Variants in MED15 observed in about 807,000 individuals in gnomAD.
MED15 encodes mediator of RNA polymerase II transcription subunit 15.
Under a neutral mutation model 118.7 loss-of-function variants are expected in MED15, and 41 were observed. The observed-to-expected ratio is 0.35, with a 90% CI of 0.27 to 0.45. The LOEUF (loss-of-function observed/expected upper bound fraction) is 0.45, where lower values mean the gene tolerates loss of function less well. Among genes scored for constraint, MED15 ranks in the 20% least tolerant of loss-of-function variants. The pLI, the probability that MED15 is intolerant of heterozygous loss-of-function variation, is 1.00. For missense variants in MED15, 740 were observed against 1,025.5 expected (o/e 0.72, Z 3.80); for synonymous variants, 436 against 413.9 (o/e 1.05, Z -0.65).
rs1475697861 is a variant in MED15 at position 20,528,714 on chromosome 22, C to T, written c.69-8403C>T. Among the ~76,000 whole-genome samples, 3 of 152,164 alleles carry T rather than the reference C, an allele frequency of 2.0e-5. No homozygotes were observed. In the East Asian group the frequency reaches 5.8e-4, roughly 29 times the overall value. The stretch of plus-strand genomic sequence containing the variant: ...CACTGCGATGGAGGAGGCTGATGGG[C>T]CAGTGGGTCTCGGCAGTTAGCGTGC... On this transcript the variant is annotated intron_variant, in intron 1 of 17. Coordinates refer to ENST00000263205, the MANE Select transcript of MED15 (RefSeq NM_001003891.3).
At chr22:20,585,363 A>G (rs2057104141) in intron 16 of MED15, 96 bp downstream of exon 16, 3 of 1,492,476 alleles carry the variant, frequency 2.0e-6, no homozygotes, top group African/African-American at 2.8e-5. Flanking sequence ...AGCGCCCAGA[A>G]CCCACCCTGT....
At chr22:20,575,971 G>A (rs1031498224) in intron 9 of MED15, among the ~76,000 whole-genome samples, 4 of 152,136 alleles carry the variant, frequency 2.6e-5, no homozygotes, top group African/African-American at 7.2e-5. Context: ...TGTAGAGTGT[G>A]TAATTTGTAA....
At chr22:20,527,978 C>T (rs2054717079) in intron 1 of MED15, among the ~76,000 whole-genome samples, 1 of 143,986 alleles carries the variant, frequency 6.9e-6, no homozygotes, top group African/African-American at 2.6e-5. Context: ...AAAAAAAAAT[C>T]AAACTCCTGA....
At chr22:20,586,453 C>G in intron 17 of MED15, 115 bp from the exon 18 acceptor site, 1 of 1,483,670 alleles carries the variant, frequency 6.7e-7, no homozygotes, top group Middle Eastern at 1.8e-4. Context: ...GGACACATCA[C>G]CTCCTGGTGC....
chr22:20,527,605 C>T (rs528543589), intron 1 of MED15, among the ~76,000 whole-genome samples: 2 of 151,918 alleles, frequency 1.3e-5, no homozygotes, highest in Non-Finnish European at 2.9e-5. Flanking sequence ...CCACTCCTGG[C>T]AAATATTTTT....
chr22:20,550,968 GCGT>G, intron 2 of MED15: 1 of 360,892 alleles, frequency 2.8e-6, no homozygotes, highest in Non-Finnish European at 5.5e-6. Flanking sequence ...AGCAGATACT[GCGT>G]CATCAGTGAA....
chr22:20,584,014 A>G (rs1601650043), intron 13 of MED15: 2 of 341,138 alleles, frequency 5.9e-6, no homozygotes, highest in East Asian at 6.5e-5. Context: ...GCCAGTCACT[A>G]TTGGGTGGTC....
At chr22:20,551,337 G>A (rs750210013) in intron 2 of MED15, 99 bp from the exon 3 acceptor site, 3 of 1,093,358 alleles carry the variant, frequency 2.7e-6, no homozygotes, top group South Asian at 1.2e-5. Context: ...TGCAGGATGG[G>A]CTTCAGCTCG....
chr22:20,523,921 G>A (rs937107649), intron 1 of MED15: 30 of 859,944 alleles, frequency 3.5e-5, no homozygotes, highest in Middle Eastern at 5.9e-4. Context: ...GCAAGAAAGC[G>A]TCATCAAGCA....
chr22:20,555,224 G>A, intron 5 of MED15, 76 bp downstream of exon 5: 1 of 1,370,362 alleles, frequency 7.3e-7, no homozygotes, highest in South Asian at 1.4e-5. Context: ...TGCTTATGAT[G>A]GTATCAAGAA....
intron 2 of MED15, 124 bp from the exon 3 acceptor site, chr22:20,551,312 C>G (rs747375846): frequency 4.6e-5 from 41 of 881,980 alleles, no homozygotes; most frequent in Non-Finnish European, 7.8e-6. Context: ...GCCGAGCAAG[C>G]GTCTGAATCT....
At chr22:20,512,387 T>C (rs2054101239) in intron 1 of MED15, among the ~76,000 whole-genome samples, 1 of 152,094 alleles carries the variant, frequency 6.6e-6, no homozygotes, top group Non-Finnish European at 1.5e-5. Context: ...TAGCTCCTTC[T>C]TTTAGGTGTC....
chr22:20,533,789 A>G (rs2054945688), intron 1 of MED15, among the ~76,000 whole-genome samples: 1 of 152,196 alleles, frequency 6.6e-6, no homozygotes, highest in Non-Finnish European at 1.5e-5. Flanking sequence ...AGGACAGGAC[A>G]GGGCCCGTCT....
At chr22:20,584,477 C>G in intron 14 of MED15, 52 bp downstream of exon 14, 2 of 1,592,134 alleles carry the variant, frequency 1.3e-6, no homozygotes, top group Non-Finnish European at 1.7e-6. Flanking sequence ...CCTAAGAGCT[C>G]CTGGGAGTGC....
intron 2 of MED15, among the ~76,000 whole-genome samples, chr22:20,539,742 T>C (rs1318911150): frequency 6.6e-6 from 1 of 152,194 alleles, no homozygotes; most frequent in African/African-American, 2.4e-5. Flanking sequence ...TCTCCAATAC[T>C]TGTTATTGTC....
At chr22:20,562,420 T>G (rs1355578456) in intron 5 of MED15, among the ~76,000 whole-genome samples, 1 of 152,216 alleles carries the variant, frequency 6.6e-6, no homozygotes, top group Non-Finnish European at 1.5e-5. Context: ...AGTCTCACTC[T>G]GTCACCCAGG....
intron 9 of MED15, among the ~76,000 whole-genome samples, chr22:20,581,677 CT>C (rs1184701264): frequency 1.3e-5 from 2 of 152,172 alleles, no homozygotes; most frequent in Non-Finnish European, 2.9e-5. Flanking sequence ...GGCAGCTGTT[CT>C]CCCCATCAAA....
Position 20,554,986 on chromosome 22 carries a change from G to A in MED15, c.289G>A (p.Ala97Thr), listed in dbSNP as rs752900907. Reference sequence around the variant, plus strand: ...GACTGGCGGACCTGCTGCGGGAGCCGCTGGAATTGGCATGCCTCCTCGGGG... The same window carrying A: ...GACTGGCGGACCTGCTGCGGGAGCCACTGGAATTGGCATGCCTCCTCGGGG... ...SLTGGPAAGA[A>T]GIGMPPRGPG... The change falls in exon 5 of 18, where the codon GCT (alanine) becomes ACT (threonine). Residue 97 changes from alanine (A) to threonine (T), a missense_variant. Ala to Thr is a moderately conservative substitution (Grantham distance 58, BLOSUM62 0). Around this residue, in one of 7 missense-constraint regions of MED15, gnomAD observed 117 missense variants for 124.6 expected, o/e 0.94. Transcript: ENST00000263205. 30 of 1,611,072 alleles carry A rather than the reference G, an allele frequency of 1.9e-5. No individual in the cohort carries two copies. The highest frequency in any genetic ancestry group is 9.3e-5 in the African/African-American group (7 of 74,892).
intron 1 of MED15, among the ~76,000 whole-genome samples, chr22:20,532,289 A>G (rs779135057): frequency 6.6e-6 from 1 of 152,176 alleles, no homozygotes; most frequent in Non-Finnish European, 1.5e-5. Flanking sequence ...TGGGATGGGC[A>G]CTTGGTGCTG....
Sources: gnomAD v4.1 joint callset for allele counts (sites outside exome capture counted in the v4.1 genomes callset) on GRCh38, gnomAD v4.1.1 for gene constraint, gnomAD v4.1.1 regional missense constraint, MANE v1.5 for transcripts, NCBI Gene and HGNC (gene_info 2026-07-23, HGNC 2026-07-21) for gene names.